The following KNG1 variants were observed in gnomAD, a reference collection of about 807,000 sequenced individuals.
KNG1 encodes the protein kininogen-1.
A neutral mutation model predicts 47.8 loss-of-function variants in KNG1; 23 were observed. The observed-to-expected ratio is 0.48, with a 90% CI of 0.35 to 0.68. The LOEUF is 0.68. KNG1 is among the 30% of genes least tolerant of loss of function. The pLI, the probability that KNG1 is intolerant of heterozygous loss-of-function variation, is 0.01. For synonymous variants in KNG1, 277 were observed against 277.0 expected (o/e 1.00, Z 0.00); for missense variants, 762 against 790.2 (o/e 0.96, Z 0.43).
chr3:186,732,525 A>T lies in KNG1; in HGVS notation c.781A>T (p.Thr261Ser). ...AGGGAAGGATTTTGTACAACCACCT[A>T]CCAAGATTTGCGTGGGCTGCCCCAG... ...YPGKDFVQPP[T>S]KICVGCPRDI... The change falls in exon 7 of 10, where the codon ACC becomes TCC. Residue 261 changes from threonine to serine, a missense_variant. Thr to Ser is a moderately conservative substitution (Grantham distance 58). Transcript: ENST00000644859. The T allele has an allele frequency of 6.2e-7, 1 of 1,614,174 alleles. No homozygotes were observed. Among genetic ancestry groups the T allele is most frequent in the Non-Finnish European group, 8.5e-7 (1 of 1,180,028 alleles).
chr3:186,743,652 T>A lies in KNG1; in HGVS notation c.*1321T>A. The A allele has an allele frequency of 1.4e-6, 2 of 1,407,830 alleles. No homozygotes were observed. Among genetic ancestry groups the A allele is most frequent in the South Asian group, 2.3e-5 (2 of 86,002 alleles). 87.2% of individuals were successfully genotyped at this position (1,407,830 alleles called of 1,614,324 possible). On this transcript the variant is annotated 3_prime_UTR_variant, in exon 10 of 10. Coordinates refer to ENST00000644859, the MANE Select transcript of KNG1 (RefSeq NM_001102416.3). ...CTTGTCAACTGGTTGCTCCACTTTT[T>A]AAAAATGATTGAATGATAACATCAT...
At chr3:186,729,715 C>A (rs1241436649) in intron 5 of KNG1, among the ~76,000 whole-genome samples, 4 of 151,362 alleles carry the variant, frequency 2.6e-5, no homozygotes, top group Non-Finnish European at 4.4e-5. Context: ...TCTTGTTGCC[C>A]AGGCTGGAGT....
intron 6 of KNG1, among the ~76,000 whole-genome samples, chr3:186,732,201 T>C (rs1299090343): frequency 2.6e-5 from 4 of 152,220 alleles, no homozygotes; most frequent in Non-Finnish European, 5.9e-5. Context: ...TCCTTTAAAT[T>C]AAGCATTGCT....
intron 3 of KNG1, 119 bp downstream of exon 3, chr3:186,722,640 G>A: frequency 1.2e-6 from 1 of 810,792 alleles, no homozygotes; most frequent in Non-Finnish European, 2.1e-6. Flanking sequence ...AAAGCCATTT[G>A]CAGAGTTAGG....
chr3:186,723,437 AGC>A lies in KNG1; in HGVS notation c.391+917_391+918del, dbSNP rs575186149. ...CCCCTTCTACCCGCTTACCCCGCTC[AGC>A]CTCTGGTATCTGTCATTCTCTTCTC... On this transcript the variant is annotated intron_variant, in intron 3 of 9. Coordinates refer to ENST00000644859, the MANE Select transcript of KNG1 (RefSeq NM_001102416.3). 2.6e-5 allele frequency among the ~76,000 whole-genome samples: 4 copies of A among 152,268 alleles called. No individual in the cohort carries two copies. The East Asian group carries it at 7.7e-4, about 29-fold the overall frequency.
intron 9 of KNG1, among the ~76,000 whole-genome samples, 172 bp downstream of exon 9, chr3:186,739,586 T>C (rs1579130311): frequency 6.6e-6 from 1 of 152,000 alleles, no homozygotes; most frequent in Non-Finnish European, 1.5e-5. Context: ...GAAAGAAGAG[T>C]AACAATCCTC....
At position 186,743,067 on chromosome 3, in the gene KNG1, T is replaced by C. The variant is rs1299636780; in HGVS notation, c.*736T>C. ...TGCCCTTTCTGAGTGAGAGTGTTTC[T>C]CATAAGTCAAAAATTTCTGTTTACT... On this transcript the variant is annotated 3_prime_UTR_variant, in exon 10 of 10. Transcript: ENST00000644859. The C allele has an allele frequency of 5.6e-6, 3 of 536,536 alleles. No homozygotes were observed. The highest frequency in any genetic ancestry group is 4.8e-6 in the Non-Finnish European group (2 of 420,040). 33.2% of individuals were successfully genotyped at this position (536,536 alleles called of 1,614,324 possible). A position where few individuals can be genotyped will look rare whatever the true frequency, so the allele number is the denominator to read the frequency against.
chr3:186,719,131 T>C (rs1306881501), intron 1 of KNG1, among the ~76,000 whole-genome samples: 3 of 152,180 alleles, frequency 2.0e-5, no homozygotes. Context: ...AAATTCTGCT[T>C]CATGGTGATC....
At chr3:186,740,320 C>T (rs1720775027) in intron 9 of KNG1, among the ~76,000 whole-genome samples, 1 of 152,180 alleles carries the variant, frequency 6.6e-6, no homozygotes, top group African/African-American at 2.4e-5. Context: ...AGGCACTATA[C>T]TGAAGGTTTC....
chr3:186,731,431 T>C (rs74830192), intron 5 of KNG1, 114 bp from the exon 6 acceptor site: 3 of 695,820 alleles, frequency 4.3e-6, no homozygotes, highest in South Asian at 3.2e-5. Context: ...TTCTTTTTTT[T>C]CTATGCAATG....
intron 7 of KNG1, among the ~76,000 whole-genome samples, chr3:186,737,962 G>A (rs1371610175): frequency 6.6e-6 from 1 of 151,210 alleles, no homozygotes; most frequent in African/African-American, 2.4e-5. Context: ...TAAAACTGTT[G>A]CTAGAGATTA....
chr3:186,723,164 G>T (rs1452934959), intron 3 of KNG1, among the ~76,000 whole-genome samples: 1 of 151,622 alleles, frequency 6.6e-6, no homozygotes, highest in African/African-American at 2.4e-5. Flanking sequence ...ATATTTATGA[G>T]GTACATGTGA....
Position 186,732,556 on chromosome 3 carries a change from TACCC to T in KNG1, c.816_819del (p.Asn274AlafsTer8). Reference sequence around the variant, plus strand: ...ATTTGCGTGGGCTGCCCCAGAGATATACCCACCAACAGCCCAGAGCTGGAGGAGA... The same window carrying T: ...ATTTGCGTGGGCTGCCCCAGAGATATACCAACAGCCCAGAGCTGGAGGAGA... On this transcript the variant is annotated frameshift_variant, in exon 7 of 10. Transcript: ENST00000644859. LOFTEE classifies it high-confidence loss of function. 1.2e-6 allele frequency: 2 copies of T among 1,614,114 alleles called. No individual in the cohort carries two copies. Among genetic ancestry groups the T allele is most frequent in the Non-Finnish European group, 1.7e-6 (2 of 1,180,002 alleles).
At chr3:186,723,289 G>C (rs1720256946) in intron 3 of KNG1, among the ~76,000 whole-genome samples, 1 of 151,944 alleles carries the variant, frequency 6.6e-6, no homozygotes, top group Non-Finnish European at 1.5e-5. Context: ...CTCTCTTTTA[G>C]CTACTTTGAA....
rs1560071709 is a variant in KNG1, at chr3:186,742,250, CT to C, written c.1855del (p.Trp619GlyfsTer13). On this transcript the variant is annotated frameshift_variant, in exon 10 of 10. Coordinates refer to ENST00000644859, the MANE Select transcript of KNG1 (RefSeq NM_001102416.3). LOFTEE classifies it low-confidence loss of function (END_TRUNC). ...TTSPKCPGRP[W>X]KSVSEINPTT... ...CCTCCCCAAAATGTCCTGGACGCCC[CT>C]GGAAGTCAGTTAGTGAAATTAATCC... 10 of 1,614,218 alleles carry C rather than the reference CT, an allele frequency of 6.2e-6. No individual in the cohort carries two copies. The highest frequency in any genetic ancestry group is 7.6e-6 in the Non-Finnish European group (9 of 1,180,032).
At chr3:186,724,999 C>T in intron 3 of KNG1, 89 bp from the exon 4 acceptor site, 1 of 1,435,428 alleles carries the variant, frequency 7.0e-7, no homozygotes, top group Non-Finnish European at 9.6e-7. Flanking sequence ...GCATGAGCCA[C>T]CACGCCCAGC....
At chr3:186,739,456 A>T (rs553878097) in intron 9 of KNG1, 42 bp downstream of exon 9, 1 of 1,314,046 alleles carries the variant, frequency 7.6e-7, no homozygotes. Flanking sequence ...AGTTCTGCTC[A>T]TTCTGAAAAT....
chr3:186,732,496 T>C lies in KNG1; in HGVS notation c.758-6T>C. On this transcript the variant is annotated splice_polypyrimidine_tract_variant and splice_region_variant and intron_variant, in intron 6 of 9. Coordinates refer to ENST00000644859, the MANE Select transcript of KNG1 (RefSeq NM_001102416.3). ...TACATGTTGACTTAAAACCTGATCC[T>C]TTCAGGGAAGGATTTTGTACAACCA... is the stretch of plus-strand genomic sequence containing the variant. 6.2e-7 allele frequency: 1 copy of C among 1,614,052 alleles called. No individual in the cohort carries two copies. Among genetic ancestry groups the C allele is most frequent in the Non-Finnish European group, 8.5e-7 (1 of 1,179,962 alleles).
chr3:186,720,460 A>G, intron 2 of KNG1: 1 of 515,582 alleles, frequency 1.9e-6, no homozygotes, highest in Non-Finnish European at 3.5e-6. Context: ...GTGTCCAGCC[A>G]GAACATGTGG....
Sources: allele counts gnomAD v4.1 joint callset (sites outside exome capture counted in the v4.1 genomes callset), GRCh38; gene constraint gnomAD v4.1.1; transcripts MANE v1.5; gene names NCBI Gene and HGNC (gene_info 2026-07-23, HGNC 2026-07-21).